MCCC2: variants seen among roughly 807,000 people sequenced by gnomAD.
The protein encoded by MCCC2 is methylcrotonoyl-CoA carboxylase beta chain, mitochondrial.
MCCC2 carries 52 observed loss-of-function variants against 77.2 expected under a neutral mutation model. The ratio of observed to expected loss-of-function variants is 0.67; its 90% CI spans 0.54 to 0.85. MCCC2 has a LOEUF of 0.85. Among genes scored for constraint, MCCC2 ranks in the 40% least tolerant of loss-of-function variants. MCCC2 has a pLI of 0.00. For synonymous variants in MCCC2, 253 were observed against 248.4 expected, an observed-to-expected ratio of 1.02 and a Z score of -0.18; for missense variants, 682 against 703.2, an observed-to-expected ratio of 0.97 and a Z score of 0.34.
At chr5:71,635,728 A>G in intron 10 of MCCC2, 1 of 240,812 alleles carries the variant, frequency 4.2e-6, no homozygotes, top group Non-Finnish European at 8.2e-6. Context: ...AGTGTTCTGT[A>G]ATTTAGATGG....
intron 6 of MCCC2, among the ~76,000 whole-genome samples, chr5:71,615,554 G>C (rs1746132475): frequency 6.6e-6 from 1 of 151,918 alleles, no homozygotes; most frequent in Non-Finnish European, 1.5e-5. Context: ...TGAACCTCGG[G>C]GGTTCTGCTT....
intron 11 of MCCC2, among the ~76,000 whole-genome samples, chr5:71,642,095 C>T (rs1747135362): frequency 6.6e-6 from 1 of 152,168 alleles, no homozygotes; most frequent in Non-Finnish European, 1.5e-5. Flanking sequence ...ATGGATTTGC[C>T]TCCTACTTGC....
chr5:71,590,741 C>G (rs557560923), intron 1 of MCCC2, among the ~76,000 whole-genome samples: 2 of 151,218 alleles, frequency 1.3e-5, no homozygotes, highest in East Asian at 1.9e-4. Flanking sequence ...CGCTTGAACC[C>G]GGGAGGCGGA....
chr5:71,604,039 G>T (rs966263406), intron 5 of MCCC2, among the ~76,000 whole-genome samples: 1 of 152,178 alleles, frequency 6.6e-6, no homozygotes, highest in African/African-American at 2.4e-5. Flanking sequence ...TTAGAAGAAG[G>T]AAAGATACTT....
Position 71,658,222 on chromosome 5 carries a change from G to T in MCCC2, c.*1362G>T, listed in dbSNP as rs1747634656. On this transcript the variant is annotated 3_prime_UTR_variant, in exon 17 of 17. Transcript: ENST00000340941. ...CTCTTTACACCGGAGAACGGCTCCAGCTGTTCTAGCTCTCTTTCAGTTCTT... is the reference window on the plus strand; with the variant it reads ...CTCTTTACACCGGAGAACGGCTCCATCTGTTCTAGCTCTCTTTCAGTTCTT... The T allele has an allele frequency of 2.0e-5, 3 of 152,134 alleles. No homozygotes were observed. Among genetic ancestry groups the T allele is most frequent in the Non-Finnish European group, 4.4e-5 (3 of 68,036 alleles). The allele number at this position is 152,134 out of a possible 1,614,324, so 9.4% of individuals were successfully genotyped here. A position where few individuals can be genotyped will look rare whatever the true frequency, so the allele number is the denominator to read the frequency against.
intron 10 of MCCC2, among the ~76,000 whole-genome samples, chr5:71,639,351 T>C (rs1352371416): frequency 6.6e-6 from 1 of 152,206 alleles, no homozygotes; most frequent in African/African-American, 2.4e-5. Flanking sequence ...GCTTCTATAA[T>C]ACATCAGCAC....
chr5:71,587,458 G>A lies in MCCC2; in HGVS notation c.33G>A (p.Pro11=), dbSNP rs770765635. 4 of 1,535,400 alleles carry A rather than the reference G, an allele frequency of 2.6e-6. No homozygotes were observed. The highest frequency in any genetic ancestry group is 2.6e-6 in the Non-Finnish European group (3 of 1,146,120). Residue 11 remains proline, a synonymous_variant, in exon 1 of 17, where the codon CCG becomes CCA. Coordinates refer to ENST00000340941, the MANE Select transcript of MCCC2 (RefSeq NM_022132.5). MWAVLRLALR[P]CARASPAGPR... ...CCGTCCTGAGGTTAGCCCTGCGGCC[G>A]TGTGCCCGCGCCTCTCCCGCCGGGC...
At chr5:71,633,131 A>ATATATATATATT (rs1554137344) in intron 8 of MCCC2, among the ~76,000 whole-genome samples, 3 of 78,088 alleles carry the variant, frequency 3.8e-5, no homozygotes, top group African/African-American at 1.5e-4. Flanking sequence ...ATATATATAT[A>ATATATATATATT]TTTTTATTTT....
intron 10 of MCCC2, chr5:71,635,617 T>C (rs765289933): frequency 9.3e-5 from 33 of 355,650 alleles, no homozygotes; most frequent in Admixed American, 1.6e-4. Flanking sequence ...GTCAGTAAGT[T>C]GTTGGAAGAA....
Position 71,619,583 on chromosome 5 carries a change from C to T in MCCC2, c.625-7057C>T, listed in dbSNP as rs529400557. 3.2e-4 allele frequency among the ~76,000 whole-genome samples: 48 copies of T among 151,656 alleles called. 1 individual carries two copies. In the South Asian group the frequency reaches 9.2e-3, roughly 29 times the overall value. On this transcript the variant is annotated intron_variant, in intron 6 of 16. Coordinates refer to ENST00000340941, the MANE Select transcript of MCCC2 (RefSeq NM_022132.5). ...TTGTTTTATTTGTTTATTTATTTTT[C>T]GGGACAGGTCTCTTTATGTTGCCCA...
chr5:71,628,820 T>A (rs1429457771), intron 7 of MCCC2, among the ~76,000 whole-genome samples: 2 of 152,222 alleles, frequency 1.3e-5, no homozygotes, highest in East Asian at 3.8e-4. Context: ...TTTGTATACT[T>A]CTATATGCAT....
chr5:71,592,901 C>A, intron 1 of MCCC2, 25 bp from the exon 2 acceptor site: 1 of 1,540,430 alleles, frequency 6.5e-7, no homozygotes, highest in Non-Finnish European at 9.0e-7. Flanking sequence ...ATTTCTCTCC[C>A]CTGTCTCCTC....
At position 71,635,198 on chromosome 5, in the gene MCCC2, G is replaced by T. The variant is rs746451536; in HGVS notation, c.951G>T (p.Leu317Phe). Residue 317 changes from leucine (L) to phenylalanine (F), a missense_variant, in exon 10 of 17, where the codon TTG (leucine) becomes TTT (phenylalanine). Leu to Phe is a conservative substitution (Grantham distance 22). Transcript: ENST00000340941. Reference sequence around the variant, plus strand: ...AGCCTTTATTTCCTGCTGATGAATTGTATGGAATAGTTGGTGCTAACCTTA... The same window carrying T: ...AGCCTTTATTTCCTGCTGATGAATTTTATGGAATAGTTGGTGCTAACCTTA... ...SEEPLFPADELYGIVGANLKR... is the reference protein window; with the variant it reads ...SEEPLFPADEFYGIVGANLKR... 2 of 1,614,156 alleles carry T rather than the reference G, an allele frequency of 1.2e-6. No homozygotes were observed. Among genetic ancestry groups the T allele is most frequent in the Non-Finnish European group, 1.7e-6 (2 of 1,180,006 alleles).
At position 71,658,365 on chromosome 5, in the gene MCCC2, TC is replaced by T. The variant is rs1482276985; in HGVS notation, c.*1507del. ...TGCTTCTCTCAGTTTAAACTCCACT[TC>T]CTTAGGGATGTCTCTGTGACCTCCC... On this transcript the variant is annotated 3_prime_UTR_variant, in exon 17 of 17. Coordinates refer to ENST00000340941, the MANE Select transcript of MCCC2 (RefSeq NM_022132.5). 5 of 152,192 alleles carry T rather than the reference TC, an allele frequency of 3.3e-5. No individual in the cohort carries two copies. The highest frequency in any genetic ancestry group is 7.3e-5 in the Non-Finnish European group (5 of 68,036). The allele number at this position is 152,192 out of a possible 1,614,324, so 9.4% of individuals were successfully genotyped here.
rs553981098 is a variant in MCCC2, at chr5:71,632,569, C to T, written c.803+384C>T. On this transcript the variant is annotated intron_variant, in intron 8 of 16. Coordinates refer to ENST00000340941, the MANE Select transcript of MCCC2 (RefSeq NM_022132.5). ...CAAAATTATGTAAATGTGGCTGATA[C>T]GCGATAAGGCTTACAAAGGAGAAGA... Among the ~76,000 whole-genome samples, 221 of 152,200 alleles carry T rather than the reference C, an allele frequency of 1.5e-3. 1 individual carries two copies. The highest frequency in any genetic ancestry group is 2.5e-3 in the Non-Finnish European group (167 of 68,012).
chr5:71,601,748 G>A, intron 4 of MCCC2, among the ~76,000 whole-genome samples: 1 of 152,138 alleles, frequency 6.6e-6, no homozygotes, highest in East Asian at 1.9e-4. Context: ...TTTGTAAAGA[G>A]CACACTGTTG....
At chr5:71,595,156 T>C (rs911546404) in intron 2 of MCCC2, among the ~76,000 whole-genome samples, 1 of 151,406 alleles carries the variant, frequency 6.6e-6, no homozygotes, top group African/African-American at 2.4e-5. Context: ...CACCTCAGCC[T>C]CCCAAAGTGC....
At chr5:71,616,120 C>T (rs277951) in intron 6 of MCCC2, among the ~76,000 whole-genome samples, 58,795 of 152,114 alleles carry the variant, frequency 0.39, 11,798 homozygotes, top group Admixed American at 0.54. Context: ...TCCCACTCCG[C>T]GGGGACAGAA....
intron 2 of MCCC2, among the ~76,000 whole-genome samples, chr5:71,594,874 A>G (rs1349218457): frequency 6.7e-6 from 1 of 149,676 alleles, no homozygotes; most frequent in African/African-American, 2.4e-5. Flanking sequence ...ATTGCTAAAG[A>G]GTGATGTTGT....
Sources: gnomAD v4.1 joint callset for allele counts (sites outside exome capture counted in the v4.1 genomes callset) on GRCh38, gnomAD v4.1.1 for gene constraint, MANE v1.5 for transcripts, NCBI Gene and HGNC (gene_info 2026-07-23, HGNC 2026-07-21) for gene names.